Variants in POFUT3 observed in about 807,000 individuals in gnomAD.
The protein encoded by POFUT3 is GDP-fucose protein O-fucosyltransferase 3.
At chr8:33,385,931 T>C in the POFUT3 span, among the ~76,000 whole-genome samples, 2 of 151,988 alleles carry the variant, frequency 1.3e-5, no homozygotes, top group Non-Finnish European at 2.9e-5. Context: ...CTGATGCCTG[T>C]AATCCCAGAG....
At chr8:33,361,197 T>C in the POFUT3 span, 7 of 152,288 alleles carry the variant, frequency 4.6e-5, no homozygotes, top group East Asian at 1.4e-3. Context: ...CAGATGTGGA[T>C]TGGCTGGAGC....
the POFUT3 span, among the ~76,000 whole-genome samples, chr8:33,311,732 G>A: frequency 1.3e-5 from 2 of 152,116 alleles, no homozygotes; most frequent in Non-Finnish European, 2.9e-5. Flanking sequence ...AAAAGTCAGT[G>A]GGGGAGGCAC....
chr8:33,372,430 T>C, the POFUT3 span: 1 of 1,422,684 alleles, frequency 7.0e-7, no homozygotes, highest in Non-Finnish European at 9.2e-7. Context: ...ATCTATTCCT[T>C]GAAAGGGCTC....
At chr8:33,426,521 G>T in the POFUT3 span, among the ~76,000 whole-genome samples, 15 of 152,306 alleles carry the variant, frequency 9.8e-5, no homozygotes, top group African/African-American at 3.6e-4. Flanking sequence ...GCTCAGTGTT[G>T]CAGAGGAAGT....
the POFUT3 span, among the ~76,000 whole-genome samples, chr8:33,362,304 C>CG: frequency 1.3e-5 from 2 of 151,432 alleles, no homozygotes; most frequent in Non-Finnish European, 2.9e-5. Flanking sequence ...GTACAAGCCA[C>CG]GGGAAAAAAA....
the POFUT3 span, among the ~76,000 whole-genome samples, chr8:33,347,341 A>G: frequency 5.3e-5 from 8 of 152,322 alleles, no homozygotes; most frequent in East Asian, 1.5e-3. Context: ...TTGTAGCTAT[A>G]TATTATGTCT....
At chr8:33,464,537 C>CAGTG in the POFUT3 span, among the ~76,000 whole-genome samples, 1 of 152,196 alleles carries the variant, frequency 6.6e-6, no homozygotes, top group Admixed American at 6.6e-5. Flanking sequence ...TGACTGCACA[C>CAGTG]AGTGGCTCAT....
At chr8:33,355,961 G>A in the POFUT3 span, among the ~76,000 whole-genome samples, 1,149 of 152,200 alleles carry the variant, frequency 7.5e-3, 4 homozygotes, top group Non-Finnish European at 0.011. Flanking sequence ...TGAGAATGAT[G>A]ATTTCCAATT....
chr8:33,411,256 G>T, the POFUT3 span, among the ~76,000 whole-genome samples: 1 of 152,214 alleles, frequency 6.6e-6, no homozygotes, highest in Non-Finnish European at 1.5e-5. Context: ...GGATGGAGGG[G>T]TGAGACAGGG....
At chr8:33,380,037 T>C in the POFUT3 span, among the ~76,000 whole-genome samples, 160 of 70,662 alleles carry the variant, frequency 2.3e-3, 17 homozygotes, top group Middle Eastern at 0.016. Context: ...ACTATATATA[T>C]ACGATATATA....
chr8:33,419,933 G>A, the POFUT3 span, among the ~76,000 whole-genome samples: 1 of 152,120 alleles, frequency 6.6e-6, no homozygotes, highest in Non-Finnish European at 1.5e-5. Flanking sequence ...TTCAAAGCCA[G>A]CCTGGTCAAC....
chr8:33,447,638 C>T, the POFUT3 span, among the ~76,000 whole-genome samples: 20 of 151,364 alleles, frequency 1.3e-4, no homozygotes, highest in Admixed American at 5.3e-4. Flanking sequence ...CCTCCAGAAA[C>T]GTGTTTATAT....
the POFUT3 span, among the ~76,000 whole-genome samples, chr8:33,321,829 C>A: frequency 1.3e-5 from 2 of 152,110 alleles, no homozygotes; most frequent in African/African-American, 4.8e-5. Context: ...GTCACTTCCT[C>A]GGGGCAGCTT....
At chr8:33,428,478 A>G in the POFUT3 span, among the ~76,000 whole-genome samples, 1 of 152,204 alleles carries the variant, frequency 6.6e-6, no homozygotes, top group African/African-American at 2.4e-5. Flanking sequence ...CAATAGTCCT[A>G]TTCTCCCCAA....
the POFUT3 span, among the ~76,000 whole-genome samples, chr8:33,469,569 C>A: frequency 6.6e-6 from 1 of 152,220 alleles, no homozygotes; most frequent in East Asian, 1.9e-4. Context: ...GTAGCCAGAA[C>A]ACCTCTGCAC....
the POFUT3 span, among the ~76,000 whole-genome samples, chr8:33,318,678 T>C: frequency 0.011 from 872 of 75,984 alleles, 23 homozygotes; most frequent in Admixed American, 0.043. Flanking sequence ...AAATATATTG[T>C]ATATATATTT....
chr8:33,322,894 A>T, the POFUT3 span, among the ~76,000 whole-genome samples: 1 of 151,812 alleles, frequency 6.6e-6, no homozygotes, highest in Non-Finnish European at 1.5e-5. Context: ...TTCAGAGCTC[A>T]CTGTGAGTTA....
At chr8:33,348,940 A>G in the POFUT3 span, among the ~76,000 whole-genome samples, 4 of 152,218 alleles carry the variant, frequency 2.6e-5, no homozygotes, top group Non-Finnish European at 5.9e-5. Flanking sequence ...TTTCGTTTAT[A>G]TGAGAAAAAA....
the POFUT3 span, among the ~76,000 whole-genome samples, chr8:33,382,532 GA>G: frequency 6.6e-6 from 1 of 152,186 alleles, no homozygotes; most frequent in East Asian, 1.9e-4. Flanking sequence ...GAAGCAGCGG[GA>G]AAGCAGAAAA....
Sources: allele counts gnomAD v4.1 joint callset (sites outside exome capture counted in the v4.1 genomes callset), GRCh38; gene constraint gnomAD v4.1.1; transcripts MANE v1.5; gene names NCBI Gene and HGNC (gene_info 2026-07-23, HGNC 2026-07-21).